The following ATP2B2 variants were observed in gnomAD, a reference collection of about 807,000 sequenced individuals.
The protein encoded by ATP2B2 is plasma membrane calcium-transporting ATPase 2.
Under a neutral mutation model 120.0 loss-of-function variants are expected in ATP2B2, and 15 were observed. The ratio of observed to expected loss-of-function variants is 0.12; its 90% CI spans 0.08 to 0.19. The LOEUF (loss-of-function observed/expected upper bound fraction) is 0.19. Ranked by LOEUF, ATP2B2 falls within the 10% of genes least tolerant of loss-of-function variation. ATP2B2 has a pLI of 1.00. For missense variants in ATP2B2, 1,045 were observed against 1,719.8 expected, an observed-to-expected ratio of 0.61 and a Z score of 6.94; for synonymous variants, 694 against 700.3, an observed-to-expected ratio of 0.99 and a Z score of 0.14.
At chr3:10,477,294 G>A (rs567301885) in intron 1 of ATP2B2, among the ~76,000 whole-genome samples, 24 of 152,312 alleles carry the variant, frequency 1.6e-4, no homozygotes, top group Non-Finnish European at 2.4e-4. Context: ...GCTCTTCTGC[G>A]TTCGCTCTGG....
intron 2 of ATP2B2, among the ~76,000 whole-genome samples, chr3:10,555,107 G>A (rs542253022): frequency 6.6e-6 from 1 of 152,344 alleles, no homozygotes; most frequent in East Asian, 1.9e-4. Flanking sequence ...CAAAGCCTAT[G>A]GCCTCAGTGC....
At chr3:10,665,647 C>T (rs899398998) in intron 1 of ATP2B2, among the ~76,000 whole-genome samples, 8 of 152,206 alleles carry the variant, frequency 5.3e-5, no homozygotes, top group African/African-American at 1.9e-4. Context: ...GAATTTACAG[C>T]TGAAACTGCA....
intron 1 of ATP2B2, among the ~76,000 whole-genome samples, chr3:10,649,520 G>C: frequency 6.6e-6 from 1 of 152,210 alleles, no homozygotes; most frequent in East Asian, 1.9e-4. Flanking sequence ...TGCATATGCT[G>C]TTCCCTCAGA....
rs558284730 is a variant in ATP2B2, at chr3:10,662,375, G to C, written c.-459-42414C>G. ...AGGGCTAATATCCAGAATCTACAAA[G>C]AACTCAAACAAATTTACAAGAAAAA... On this transcript the variant is annotated intron_variant, in intron 1 of 21. Transcript: ENST00000646379. Among the ~76,000 whole-genome samples, 85 of 149,488 alleles carry C rather than the reference G, an allele frequency of 5.7e-4. No homozygotes were observed. In the Middle Eastern group the frequency reaches 0.014, roughly 24 times the overall value.
chr3:10,630,501 C>G (rs994822599), intron 1 of ATP2B2, among the ~76,000 whole-genome samples: 4 of 152,292 alleles, frequency 2.6e-5, no homozygotes, highest in Admixed American at 1.3e-4. Flanking sequence ...AGGACATGAT[C>G]TTGTTCTTTT....
intron 1 of ATP2B2, among the ~76,000 whole-genome samples, chr3:10,491,016 G>A (rs1003895244): frequency 1.3e-5 from 2 of 152,124 alleles, no homozygotes; most frequent in Admixed American, 1.3e-4. Flanking sequence ...GTTTTTGTGT[G>A]GCTGTTTTTA....
intron 2 of ATP2B2, among the ~76,000 whole-genome samples, chr3:10,432,133 C>A (rs570054767): frequency 1.3e-5 from 2 of 152,206 alleles, no homozygotes; most frequent in African/African-American, 2.4e-5. Flanking sequence ...GCCAGGCAGG[C>A]GCTGGTTTGG....
At chr3:10,571,557 G>C (rs1243242049) in intron 2 of ATP2B2, among the ~76,000 whole-genome samples, 3 of 152,254 alleles carry the variant, frequency 2.0e-5, no homozygotes, top group Non-Finnish European at 4.4e-5. Context: ...AGTCTGGCAA[G>C]AGTTGGGGGC....
Position 10,449,440 on chromosome 3 carries a change from A to G in ATP2B2, c.104T>C (p.Met35Thr). 1 of 1,614,218 alleles carries G rather than the reference A, an allele frequency of 6.2e-7. No individual in the cohort carries two copies. The change falls in exon 2 of 23, where the codon ATG (methionine) becomes ACG (threonine). Residue 35 changes from methionine (M) to threonine (T), a missense_variant. This residue lies in a region of ATP2B2 where 139 missense variants were observed against 134.2 expected (regional missense o/e 1.04). Coordinates refer to ENST00000360273, the MANE Select transcript of ATP2B2 (RefSeq NM_001001331.4). ...CACAGCCTCAGTGCCCCGCAGCTCC[A>G]TGAGGGAGCGGAGCTCCTCCATTGT... Reference protein sequence around the residue: ...GCTMEELRSLMELRGTEAVVK... With the variant: ...GCTMEELRSLTELRGTEAVVK...
chr3:10,588,319 T>C (rs894226763), intron 2 of ATP2B2, among the ~76,000 whole-genome samples: 6 of 152,228 alleles, frequency 3.9e-5, no homozygotes, highest in African/African-American at 9.6e-5. Flanking sequence ...AGTCACCTTA[T>C]TGAGACTTGC....
chr3:10,502,895 T>C (rs1045521619), intron 1 of ATP2B2, among the ~76,000 whole-genome samples: 3 of 152,086 alleles, frequency 2.0e-5, no homozygotes, highest in Non-Finnish European at 4.4e-5. Context: ...GCCTTCTACC[T>C]CCCCTCTGCC....
chr3:10,373,611 GATA>G (rs1348434949), intron 11 of ATP2B2, among the ~76,000 whole-genome samples: 4 of 152,162 alleles, frequency 2.6e-5, no homozygotes, highest in African/African-American at 9.7e-5. Flanking sequence ...ACATTGGATT[GATA>G]ATAAGTTGGA....
At chr3:10,407,282 A>C (rs1490513370) in intron 3 of ATP2B2, among the ~76,000 whole-genome samples, 3 of 152,216 alleles carry the variant, frequency 2.0e-5, no homozygotes, top group African/African-American at 7.2e-5. Context: ...GTGATAAATA[A>C]AACTGAATGA....
chr3:10,462,502 C>G (rs1294471457), intron 1 of ATP2B2, among the ~76,000 whole-genome samples: 2 of 152,202 alleles, frequency 1.3e-5, no homozygotes, highest in Non-Finnish European at 2.9e-5. Flanking sequence ...CAGTGACTGC[C>G]ATTTAGAGTG....
At chr3:10,477,793 T>G (rs910472652) in intron 1 of ATP2B2, among the ~76,000 whole-genome samples, 2 of 152,240 alleles carry the variant, frequency 1.3e-5, no homozygotes, top group African/African-American at 2.4e-5. Context: ...GTTGATCCAT[T>G]CATGGACACT....
chr3:10,642,686 T>TA (rs141395527), intron 1 of ATP2B2, among the ~76,000 whole-genome samples: 16,950 of 125,182 alleles, frequency 0.14, 1,066 homozygotes, highest in African/African-American at 0.24. Flanking sequence ...GAGATTTAGC[T>TA]AAAAAAAAAA....
Position 10,438,405 on chromosome 3 carries a change from C to T in ATP2B2, c.199+10940G>A, listed in dbSNP as rs113276170. ...GTTTCTCCTTCGTCCTACTTCCTGG[C>T]GACTGCTCTGTCCAACTGCCTGCCA... is the stretch of plus-strand genomic sequence containing the variant. On this transcript the variant is annotated intron_variant, in intron 2 of 22. Transcript: ENST00000360273. 2.3e-3 allele frequency among the ~76,000 whole-genome samples: 354 copies of T among 152,318 alleles called. 3 individuals carry two copies. The highest frequency in any genetic ancestry group is 7.8e-3 in the African/African-American group (325 of 41,568).
rs1323492464 is a variant in ATP2B2, at chr3:10,326,448, A to G, written c.*2366T>C. 1.4e-5 allele frequency: 5 copies of G among 347,668 alleles called. No homozygotes were observed. In the East Asian group the frequency reaches 2.1e-4, roughly 15 times the overall value. The allele number at this position is 347,668 out of a possible 1,614,324, so 21.5% of individuals were successfully genotyped here. A position where few individuals can be genotyped will look rare whatever the true frequency, so the allele number is the denominator to read the frequency against. ...AACATGGAGCATGGTGTGCAAACACAGCTATCCTGATGTCATGGAACGAGG... is the reference window on the plus strand; with the variant it reads ...AACATGGAGCATGGTGTGCAAACACGGCTATCCTGATGTCATGGAACGAGG... On this transcript the variant is annotated 3_prime_UTR_variant, in exon 23 of 23. Coordinates refer to ENST00000360273, the MANE Select transcript of ATP2B2 (RefSeq NM_001001331.4).
intron 1 of ATP2B2, among the ~76,000 whole-genome samples, chr3:10,470,984 G>A (rs2064963911): frequency 6.6e-6 from 1 of 152,202 alleles, no homozygotes; most frequent in African/African-American, 2.4e-5. Context: ...GGCTGGAGGG[G>A]TGGAGAACGG....
Sources: allele counts gnomAD v4.1 joint callset (sites outside exome capture counted in the v4.1 genomes callset), GRCh38; gene constraint gnomAD v4.1.1; regional missense constraint gnomAD v4.1.1; transcripts MANE v1.5; gene names NCBI Gene and HGNC (gene_info 2026-07-23, HGNC 2026-07-21).